The following RAPGEF1 variants were observed in gnomAD, a reference collection of about 807,000 sequenced individuals.
The protein encoded by RAPGEF1 is CRK SH3-binding GNRP.
RAPGEF1 carries 33 observed loss-of-function variants against 143.3 expected under a neutral mutation model. That is an observed-to-expected ratio of 0.23 (90% CI 0.17 to 0.31). The LOEUF (loss-of-function observed/expected upper bound fraction) is 0.31. Among genes scored for constraint, RAPGEF1 ranks in the 10% least tolerant of loss-of-function variants. The probability of loss-of-function intolerance (pLI) is 1.00; values close to 1 mark genes in which losing one functional copy is unlikely to be tolerated. For synonymous variants in RAPGEF1, 629 were observed against 676.5 expected (o/e 0.93, Z 1.09); for missense variants, 1,199 against 1,645.4 (o/e 0.73, Z 4.69).
intron 12 of RAPGEF1, among the ~76,000 whole-genome samples, chr9:131,616,162 G>A (rs776226669): frequency 2.0e-5 from 3 of 152,098 alleles, no homozygotes; most frequent in African/African-American, 4.8e-5. Context: ...CAGCTACTCC[G>A]GAGGCTGAGG....
chr9:131,650,244 T>C lies in RAPGEF1; in HGVS notation c.202-2A>G, dbSNP rs1970738140. ...TGGTAGAAATCTGTCTGTTGCCTCC[T>C]GGAAGAGAGGAAACCTGGATTCCTA... On this transcript the variant is annotated splice_acceptor_variant, in intron 2 of 26. Transcript: ENST00000683357. LOFTEE classifies it high-confidence loss of function. This position sits in a 1 kb window ranked among gnomAD's most constrained non-coding sequence, Gnocchi z 4.7. The C allele has an allele frequency of 2.5e-6, 4 of 1,603,696 alleles. No individual in the cohort carries two copies. The highest frequency in any genetic ancestry group is 2.6e-6 in the Non-Finnish European group (3 of 1,171,568).
chr9:131,617,533 A>C (rs1959175517), intron 12 of RAPGEF1, among the ~76,000 whole-genome samples: 1 of 152,234 alleles, frequency 6.6e-6, no homozygotes, highest in South Asian at 2.1e-4. Context: ...AGTCTTTAAA[A>C]GTCACTCGGT....
chr9:131,628,530 G>A lies in RAPGEF1; in HGVS notation c.1017+19C>T, dbSNP rs758395639. 4 of 1,606,856 alleles carry A rather than the reference G, an allele frequency of 2.5e-6. No homozygotes were observed. In the East Asian group the frequency reaches 9.0e-5, roughly 36 times the overall value. On this transcript the variant is annotated intron_variant, in intron 8 of 26. Coordinates refer to ENST00000683357, the MANE Select transcript of RAPGEF1 (RefSeq NM_001377935.1). The surrounding 1 kb of genome is among the most constrained non-coding windows in gnomAD (Gnocchi z 5.7). Reference sequence around the variant, plus strand: ...ACCCCCTCCCTGCCTTCCCATGCAGGGAACAGGGGCTGCATTACCTGCCTA... The same window carrying A: ...ACCCCCTCCCTGCCTTCCCATGCAGAGAACAGGGGCTGCATTACCTGCCTA...
chr9:131,640,674 C>A (rs1052391400), intron 4 of RAPGEF1, among the ~76,000 whole-genome samples: 4 of 152,174 alleles, frequency 2.6e-5, no homozygotes, highest in Admixed American at 2.0e-4. Flanking sequence ...TAAGAGCCAG[C>A]TGCTTGTTGG....
At chr9:131,707,317 G>T (rs996032869) in intron 1 of RAPGEF1, among the ~76,000 whole-genome samples, 2 of 152,202 alleles carry the variant, frequency 1.3e-5, no homozygotes, top group African/African-American at 2.4e-5. Flanking sequence ...ATACATGAAA[G>T]AAAGTATAAC....
chr9:131,733,423 CAG>C (rs1280603782), intron 1 of RAPGEF1, among the ~76,000 whole-genome samples: 11 of 149,388 alleles, frequency 7.4e-5, no homozygotes, highest in Non-Finnish European at 1.5e-4. Flanking sequence ...AAAACACAAA[CAG>C]AGGAGCGCTC....
intron 1 of RAPGEF1, among the ~76,000 whole-genome samples, chr9:131,713,607 A>C (rs1303108870): frequency 6.6e-6 from 1 of 152,140 alleles, no homozygotes; most frequent in Admixed American, 6.6e-5. Context: ...ACATACATTC[A>C]TGTGTACCAT....
intron 14 of RAPGEF1, 36 bp downstream of exon 14, chr9:131,603,925 C>G: frequency 8.0e-7 from 1 of 1,244,868 alleles, no homozygotes; most frequent in Non-Finnish European, 1.1e-6. Context: ...CCCACCAGGC[C>G]AGGCCACATG....
At chr9:131,639,948 C>T (rs1967386166) in intron 4 of RAPGEF1, among the ~76,000 whole-genome samples, 1 of 152,162 alleles carries the variant, frequency 6.6e-6, no homozygotes, top group Non-Finnish European at 1.5e-5. Context: ...GCCAGGCGTT[C>T]CACTCTGCAT....
chr9:131,677,130 G>A (rs1832471082), intron 1 of RAPGEF1, among the ~76,000 whole-genome samples: 1 of 152,190 alleles, frequency 6.6e-6, no homozygotes, highest in African/African-American at 2.4e-5. Context: ...GCTAGGAACT[G>A]GGGACACCAG....
intron 1 of RAPGEF1, among the ~76,000 whole-genome samples, chr9:131,678,406 A>G (rs1832618523): frequency 6.6e-6 from 1 of 152,248 alleles, no homozygotes; most frequent in African/African-American, 2.4e-5. Flanking sequence ...TACAAGATCT[A>G]TGATGTTCTT....
At position 131,579,601 on chromosome 9, in the gene RAPGEF1, C is replaced by A; in HGVS notation, c.3688G>T (p.Asp1230Tyr). The change falls in exon 27 of 27, where the codon GAC (aspartate) becomes TAC (tyrosine). Residue 1230 changes from aspartate to tyrosine, a missense_variant. Asp to Tyr is a radical substitution (Grantham distance 160). This residue lies in a region of RAPGEF1 where 67 missense variants were observed against 105.4 expected (regional missense o/e 0.64). Transcript: ENST00000683357. ...TCCTCAGCCAGGTGGTCACTGAAGT[C>A]ATTGAAGAAGTTTATAATGTCGTCG... ...RNDDIINFFN[D>Y]FSDHLAEEAL... 2 of 1,614,004 alleles carry A rather than the reference C, an allele frequency of 1.2e-6. No homozygotes were observed. Among genetic ancestry groups the A allele is most frequent in the Non-Finnish European group, 1.7e-6 (2 of 1,179,874 alleles).
At chr9:131,698,238 C>T (rs1834340849) in intron 1 of RAPGEF1, among the ~76,000 whole-genome samples, 2 of 152,172 alleles carry the variant, frequency 1.3e-5, no homozygotes, top group Admixed American at 1.3e-4. Context: ...ATTCCCATGC[C>T]TAACAAGCAA....
At chr9:131,587,881 T>C in intron 21 of RAPGEF1, 51 bp from the exon 22 acceptor site, 5 of 1,598,834 alleles carry the variant, frequency 3.1e-6, no homozygotes, top group South Asian at 1.1e-5. Context: ...TTTCCCCTGA[T>C]GGGGGTTTCT....
chr9:131,600,983 G>A (rs1407858317), intron 15 of RAPGEF1, among the ~76,000 whole-genome samples: 8 of 151,910 alleles, frequency 5.3e-5, no homozygotes, highest in African/African-American at 1.7e-4. Context: ...GTGAAACCCC[G>A]TCTCTACTAA....
At chr9:131,729,756 CTT>C (rs1174294917) in intron 1 of RAPGEF1, among the ~76,000 whole-genome samples, 3 of 152,222 alleles carry the variant, frequency 2.0e-5, no homozygotes, top group Admixed American at 1.3e-4. Flanking sequence ...ATTGCTGACT[CTT>C]TATAAGAACA....
chr9:131,624,189 T>G (rs1962211553), intron 10 of RAPGEF1, among the ~76,000 whole-genome samples: 1 of 152,184 alleles, frequency 6.6e-6, no homozygotes, highest in Non-Finnish European at 1.5e-5. Context: ...TTGTTGATCT[T>G]GGGCAATACT....
At chr9:131,678,930 G>C (rs925853359) in intron 1 of RAPGEF1, among the ~76,000 whole-genome samples, 1 of 152,150 alleles carries the variant, frequency 6.6e-6, no homozygotes. Context: ...ATTTCCCCCT[G>C]CTTTTTATGA....
chr9:131,601,047 C>T (rs1466560381), intron 15 of RAPGEF1, among the ~76,000 whole-genome samples: 2 of 151,958 alleles, frequency 1.3e-5, no homozygotes, highest in African/African-American at 4.8e-5. Flanking sequence ...TGGCACATGC[C>T]TGTAGTCCCA....
Sources: allele counts gnomAD v4.1 joint callset (sites outside exome capture counted in the v4.1 genomes callset), GRCh38; gene constraint gnomAD v4.1.1; regional missense constraint gnomAD v4.1.1; non-coding constraint Gnocchi (gnomAD v3.1); transcripts MANE v1.5; gene names NCBI Gene and HGNC (gene_info 2026-07-23, HGNC 2026-07-21).